The following PRDM5 variants were observed in gnomAD, a reference collection of about 807,000 sequenced individuals.
PRDM5 encodes PR domain zinc finger protein 5.
In PRDM5, 56 loss-of-function variants were observed where a neutral mutation model predicts 81.2. That is an observed-to-expected ratio of 0.69 (90% confidence interval 0.56 to 0.86). The LOEUF (loss-of-function observed/expected upper bound fraction) is 0.86, where lower values mean the gene tolerates loss of function less well. Among genes scored for constraint, PRDM5 ranks in the 40% least tolerant of loss-of-function variants. PRDM5 has a pLI of 0.00. For synonymous variants in PRDM5, 267 were observed against 256.4 expected (o/e 1.04, Z -0.39); for missense variants, 697 against 770.1 (o/e 0.91, Z 1.12).
At chr4:120,747,826 T>G (rs961978752) in intron 14 of PRDM5, among the ~76,000 whole-genome samples, 16 of 152,250 alleles carry the variant, frequency 1.1e-4, no homozygotes, top group African/African-American at 3.6e-4. Flanking sequence ...AGAACTGCGA[T>G]CTTAGAAACT....
chr4:120,885,060 G>A (rs1377265771), intron 2 of PRDM5, among the ~76,000 whole-genome samples: 1 of 149,838 alleles, frequency 6.7e-6, no homozygotes, highest in Admixed American at 6.6e-5. Flanking sequence ...GCCTGAACCC[G>A]GGAGGGCGAG....
Position 120,899,510 on chromosome 4 carries a change from A to G in PRDM5, c.177+7964T>C, listed in dbSNP as rs547571388. ...TCACCAATCCAGCTTTTCTGGAGCT[A>G]GGTACTTAGAAAATTATTGCATGCT... On this transcript the variant is annotated intron_variant, in intron 2 of 15. Transcript: ENST00000264808. Among the ~76,000 whole-genome samples, 21 of 152,302 alleles carry G rather than the reference A, an allele frequency of 1.4e-4. No homozygotes were observed. In the South Asian group the frequency reaches 4.4e-3, roughly 32 times the overall value.
intron 8 of PRDM5, among the ~76,000 whole-genome samples, chr4:120,809,866 C>A (rs1753581070): frequency 6.6e-6 from 1 of 152,088 alleles, no homozygotes. Flanking sequence ...TAACATTCTG[C>A]AAAGACCACT....
chr4:120,699,343 T>C (rs918931650), intron 15 of PRDM5, among the ~76,000 whole-genome samples: 1 of 151,784 alleles, frequency 6.6e-6, no homozygotes, highest in African/African-American at 2.4e-5. Context: ...GTTTGTATCA[T>C]TATTATTTTC....
intron 1 of PRDM5, among the ~76,000 whole-genome samples, chr4:120,917,628 T>C (rs1306188718): frequency 3.3e-5 from 5 of 149,572 alleles, no homozygotes; most frequent in Non-Finnish European, 7.4e-5. Flanking sequence ...AAACAAGACC[T>C]GAATAAATAA....
intron 8 of PRDM5, chr4:120,810,364 T>C (rs1753657458): frequency 6.6e-6 from 1 of 152,152 alleles, no homozygotes; most frequent in Admixed American, 6.5e-5. Context: ...ATAAGGGTTC[T>C]GCTTCAGAAG....
intron 15 of PRDM5, among the ~76,000 whole-genome samples, chr4:120,704,748 C>A (rs975800707): frequency 3.9e-5 from 6 of 151,954 alleles, no homozygotes; most frequent in African/African-American, 1.5e-4. Context: ...GAGAAGAAGG[C>A]AGGCTTTAAG....
At chr4:120,915,801 AGAG>A (rs1002028764) in intron 1 of PRDM5, among the ~76,000 whole-genome samples, 1 of 152,202 alleles carries the variant, frequency 6.6e-6, no homozygotes, top group African/African-American at 2.4e-5. Flanking sequence ...CTCCTAGGGA[AGAG>A]GAGCAGGCAT....
intron 2 of PRDM5, among the ~76,000 whole-genome samples, chr4:120,883,384 T>C (rs541841283): frequency 6.6e-6 from 1 of 152,284 alleles, no homozygotes; most frequent in African/African-American, 2.4e-5. Context: ...CAACTCTTAT[T>C]TTTATTTATG....
chr4:120,909,623 GA>G (rs144753000), intron 1 of PRDM5, among the ~76,000 whole-genome samples: 12,711 of 123,140 alleles, frequency 0.1, 552 homozygotes, highest in East Asian at 0.18. Flanking sequence ...ATTTGGAGGG[GA>G]AAAAAAAAAG....
At chr4:120,749,143 G>A (rs1175648319) in intron 14 of PRDM5, among the ~76,000 whole-genome samples, 2 of 151,812 alleles carry the variant, frequency 1.3e-5, no homozygotes, top group African/African-American at 2.4e-5. Context: ...ATTCTTTTAA[G>A]CTTAAGGTCA....
intron 2 of PRDM5, among the ~76,000 whole-genome samples, chr4:120,876,514 G>C (rs1762346299): frequency 6.6e-6 from 1 of 151,994 alleles, no homozygotes; most frequent in Non-Finnish European, 1.5e-5. Flanking sequence ...ATTTGGCATA[G>C]TACAGTGACT....
chr4:120,847,239 T>C (rs1257435154), intron 3 of PRDM5, among the ~76,000 whole-genome samples: 1 of 152,126 alleles, frequency 6.6e-6, no homozygotes, highest in Non-Finnish European at 1.5e-5. Flanking sequence ...GTGTGACTAA[T>C]AGTATTCAAC....
At chr4:120,808,814 T>C (rs1467158168) in intron 8 of PRDM5, among the ~76,000 whole-genome samples, 1 of 152,180 alleles carries the variant, frequency 6.6e-6, no homozygotes, top group African/African-American at 2.4e-5. Flanking sequence ...GCCCAGGTGC[T>C]AAGTCCCTCA....
chr4:120,788,728 C>A (rs1750128258), intron 10 of PRDM5, among the ~76,000 whole-genome samples: 1 of 152,188 alleles, frequency 6.6e-6, no homozygotes, highest in Non-Finnish European at 1.5e-5. Flanking sequence ...AAAGCCACAA[C>A]ATCTAGATAT....
intron 2 of PRDM5, among the ~76,000 whole-genome samples, chr4:120,901,137 G>A (rs536354699): frequency 3.3e-5 from 5 of 152,086 alleles, no homozygotes; most frequent in East Asian, 3.9e-4. Flanking sequence ...TGGTTACATG[G>A]ATGAATTCTA....
rs538880192 is a variant in PRDM5 at position 120,770,478 on chromosome 4, T to A, written c.1537+6710A>T. Reference sequence around the variant, plus strand: ...TTCTCATTTCTCTTTTTTTTTTTTTTAATGGGAGAAAAGGCAAACAAATTT... The same window carrying A: ...TTCTCATTTCTCTTTTTTTTTTTTTAAATGGGAGAAAAGGCAAACAAATTT... On this transcript the variant is annotated intron_variant, in intron 13 of 15. Coordinates refer to ENST00000264808, the MANE Select transcript of PRDM5 (RefSeq NM_018699.4). Among the ~76,000 whole-genome samples, 6 of 139,040 alleles carry A rather than the reference T, an allele frequency of 4.3e-5. No homozygotes were observed. In the East Asian group the frequency reaches 1.3e-3, roughly 30 times the overall value. 91.2% of individuals were successfully genotyped at this position (139,040 alleles called of 152,430 possible).
At chr4:120,808,522 C>A (rs950306317) in intron 8 of PRDM5, among the ~76,000 whole-genome samples, 23 of 152,274 alleles carry the variant, frequency 1.5e-4, no homozygotes, top group Non-Finnish European at 8.8e-5. Context: ...AAGTCCCCAC[C>A]AGACTCAGGA....
At chr4:120,832,617 C>T (rs1756855739) in intron 3 of PRDM5, among the ~76,000 whole-genome samples, 1 of 152,152 alleles carries the variant, frequency 6.6e-6, no homozygotes, top group Non-Finnish European at 1.5e-5. Flanking sequence ...TGTGCAACCT[C>T]AGTACCTGAT....
Sources: gnomAD v4.1 joint callset for allele counts (sites outside exome capture counted in the v4.1 genomes callset) on GRCh38, gnomAD v4.1.1 for gene constraint, MANE v1.5 for transcripts, NCBI Gene and HGNC (gene_info 2026-07-23, HGNC 2026-07-21) for gene names.